MARK4: variants seen among roughly 807,000 people sequenced by gnomAD.
MARK4 encodes the protein microtubule affinity regulating kinase 4, also known as MAP/microtubule affinity-regulating kinase 4.
Under a neutral mutation model 81.5 loss-of-function variants are expected in MARK4, and 19 were observed. The ratio of observed to expected loss-of-function variants is 0.23; its 90% confidence interval spans 0.16 to 0.34. The LOEUF (loss-of-function observed/expected upper bound fraction) is 0.34. MARK4 is among the 10% of genes least tolerant of loss of function. The probability of loss-of-function intolerance (pLI) is 1.00; values close to 1 mark genes in which losing one functional copy is unlikely to be tolerated. For synonymous variants in MARK4, 436 were observed against 439.0 expected (o/e 0.99, Z 0.08); for missense variants, 772 against 1,058.8 (o/e 0.73, Z 3.76).
Position 45,304,318 on chromosome 19 carries a change from T to C in MARK4, c.*1608T>C, listed in dbSNP as rs1184252150. 6.6e-6 allele frequency: 1 copy of C among 152,186 alleles called. No homozygotes were observed. The highest frequency in any genetic ancestry group is 1.5e-5 in the Non-Finnish European group (1 of 68,042). The allele number at this position is 152,186 out of a possible 1,614,324, so 9.4% of individuals were successfully genotyped here. On this transcript the variant is annotated 3_prime_UTR_variant, in exon 17 of 17. Transcript: ENST00000262891. Reference sequence around the variant, plus strand: ...GACTCTCATTGGCCCAAATGGGCCATGTGATTTTCTCTAAACCAATCACTG... The same window carrying C: ...GACTCTCATTGGCCCAAATGGGCCACGTGATTTTCTCTAAACCAATCACTG...
At chr19:45,290,355 CACCAGCCTT>C (rs1970805517) in intron 13 of MARK4, among the ~76,000 whole-genome samples, 1 of 152,246 alleles carries the variant, frequency 6.6e-6, no homozygotes, top group Non-Finnish European at 1.5e-5. Flanking sequence ...TACCAGCATT[CACCAGCCTT>C]GACCGGCTTT....
chr19:45,266,065 C>T (rs1189139091), intron 6 of MARK4, among the ~76,000 whole-genome samples, 160 bp from the exon 7 acceptor site: 3 of 151,954 alleles, frequency 2.0e-5, no homozygotes, highest in Non-Finnish European at 4.4e-5. Context: ...CCAGGTTCCA[C>T]GGGCACCTCT....
chr19:45,287,753 A>G, intron 13 of MARK4, 89 bp downstream of exon 13: 2 of 1,393,092 alleles, frequency 1.4e-6, no homozygotes, highest in Non-Finnish European at 2.0e-6. Flanking sequence ...CCCAGACGGA[A>G]CTCCTTCTTA....
rs202085805 is a variant in MARK4, at chr19:45,263,169, G to A, written c.306+3G>A. The A allele has an allele frequency of 3.7e-5, 59 of 1,609,712 alleles. No homozygotes were observed. Among genetic ancestry groups the A allele is most frequent in the Middle Eastern group, 3.3e-4 (2 of 6,076 alleles). On this transcript the variant is annotated splice_donor_region_variant and intron_variant, in intron 3 of 16. Transcript: ENST00000262891. ...TGAATCCCAGCAGCCTGCAGAAGGTGAGGCTGGGGAGACGGGGGAGAGCAG... is the reference window on the plus strand; with the variant it reads ...TGAATCCCAGCAGCCTGCAGAAGGTAAGGCTGGGGAGACGGGGGAGAGCAG...
At position 45,266,423 on chromosome 19, in the gene MARK4, C is replaced by T. The variant is rs904515512; in HGVS notation, c.549+142C>T. 36 of 784,452 alleles carry T rather than the reference C, an allele frequency of 4.6e-5. 1 individual carries two copies. Among genetic ancestry groups the T allele is most frequent in the Non-Finnish European group, 6.9e-5 (32 of 461,698 alleles). 48.6% of individuals were successfully genotyped at this position (784,452 alleles called of 1,614,324 possible). ...CTCCTGCTCTTCCCTCCACACCCAG[C>T]ACCCCCTTGACCCTTTCCCAAGCTT... On this transcript the variant is annotated intron_variant, in intron 7 of 16. Coordinates refer to ENST00000262891, the MANE Select transcript of MARK4 (RefSeq NM_001199867.2).
intron 6 of MARK4, 122 bp from the exon 7 acceptor site, chr19:45,266,103 C>A: frequency 1.0e-6 from 1 of 972,612 alleles, no homozygotes; most frequent in East Asian, 2.4e-5. Context: ...GGTGTGAGGC[C>A]CCAGATCTCA....
At chr19:45,277,079 C>T (rs1262881101) in intron 8 of MARK4, among the ~76,000 whole-genome samples, 3 of 151,484 alleles carry the variant, frequency 2.0e-5, no homozygotes, top group East Asian at 2.0e-4. Context: ...AGAGAATAAA[C>T]TTCCTTTTTT....
chr19:45,294,496 G>T lies in MARK4; in HGVS notation c.1598+44G>T, dbSNP rs1477446668. ...CAGGGTGAGGGGTGGGAAGTAGGGG[G>T]TAGGTGAACAGGACCTCCCTTGATC... On this transcript the variant is annotated intron_variant, in intron 14 of 16. Transcript: ENST00000262891. The T allele has an allele frequency of 3.2e-6, 5 of 1,549,540 alleles. No homozygotes were observed. The Admixed American group carries it at 6.8e-5, about 21-fold the overall frequency.
At chr19:45,288,915 A>G (rs957477554) in intron 13 of MARK4, among the ~76,000 whole-genome samples, 4 of 149,844 alleles carry the variant, frequency 2.7e-5, no homozygotes, top group African/African-American at 9.9e-5. Flanking sequence ...CTCTTCCGGC[A>G]TCTACATTCG....
chr19:45,258,642 G>T (rs971499468), intron 1 of MARK4, among the ~76,000 whole-genome samples: 1 of 151,958 alleles, frequency 6.6e-6, no homozygotes, highest in Admixed American at 6.6e-5. Flanking sequence ...AGAGGTTGCA[G>T]TGAGCTGAGA....
At chr19:45,261,643 T>G (rs1970382035) in intron 2 of MARK4, among the ~76,000 whole-genome samples, 1 of 152,230 alleles carries the variant, frequency 6.6e-6, no homozygotes, top group South Asian at 2.1e-4. Flanking sequence ...AAATAAAAGT[T>G]TTACTGCAGA....
chr19:45,258,914 C>G, intron 1 of MARK4, 75 bp from the exon 2 acceptor site: 1 of 1,515,330 alleles, frequency 6.6e-7, no homozygotes, highest in Non-Finnish European at 9.0e-7. Context: ...AGCCAGGCCT[C>G]AAGTTAAGTG....
intron 8 of MARK4, 36 bp from the exon 9 acceptor site, chr19:45,277,887 G>A (rs2123066394): frequency 6.3e-7 from 1 of 1,592,432 alleles, no homozygotes; most frequent in Non-Finnish European, 8.5e-7. Context: ...TGGGGGGCGG[G>A]GCAGACCCCC....
At chr19:45,261,105 C>T (rs770824990) in intron 2 of MARK4, among the ~76,000 whole-genome samples, 6 of 152,058 alleles carry the variant, frequency 3.9e-5, no homozygotes, top group Non-Finnish European at 8.8e-5. Flanking sequence ...ACACCATACA[C>T]GCAAAAGACA....
At chr19:45,255,777 C>T (rs1269992464) in intron 1 of MARK4, among the ~76,000 whole-genome samples, 1 of 152,360 alleles carries the variant, frequency 6.6e-6, no homozygotes, top group South Asian at 2.1e-4. Flanking sequence ...CCATCAGCCT[C>T]TTGGCCTTTC....
chr19:45,269,508 G>A (rs1242623596), intron 7 of MARK4, among the ~76,000 whole-genome samples: 1 of 152,274 alleles, frequency 6.6e-6, no homozygotes, highest in East Asian at 1.9e-4. Context: ...GGGGAAGAGT[G>A]GTCCAGAAAT....
intron 6 of MARK4, among the ~76,000 whole-genome samples, chr19:45,265,589 G>A (rs1270404186): frequency 6.6e-6 from 1 of 151,342 alleles, no homozygotes; most frequent in Non-Finnish European, 1.5e-5. Context: ...AGGGTGCCCA[G>A]GTGTGGGGTA....
chr19:45,278,191 G>A, intron 9 of MARK4, 149 bp downstream of exon 9: 1 of 1,188,454 alleles, frequency 8.4e-7, no homozygotes, highest in South Asian at 1.5e-5. Context: ...GGGTAGACAG[G>A]CCGTCCAGGG....
rs1240427247 is a variant in MARK4 at position 45,287,461 on chromosome 19, G to T, written c.1291G>T (p.Ala431Ser). The stretch of plus-strand genomic sequence containing the variant: ...CCCTCCCCCAGGTGGCCCATCCCCT[G>T]CACCCCTGCACCCCAAACGCAGCCC... ...RHSDFCGPSP[A>S]PLHPKRSPTS... is the part of the protein sequence containing the mutation. The change falls in exon 13 of 17, where the codon GCA becomes TCA. Residue 431 changes from alanine to serine, a missense_variant. Ala to Ser is a moderately conservative substitution (Grantham distance 99). This residue lies in a region of MARK4 where 548 missense variants were observed against 624.3 expected (regional missense o/e 0.88). Coordinates refer to ENST00000262891, the MANE Select transcript of MARK4 (RefSeq NM_001199867.2). The T allele has an allele frequency of 2.8e-6, 4 of 1,451,100 alleles. No individual in the cohort carries two copies. The highest frequency in any genetic ancestry group is 3.7e-6 in the Non-Finnish European group (4 of 1,095,596). The allele number at this position is 1,451,100 out of a possible 1,614,324, so 89.9% of individuals were successfully genotyped here. A position where few individuals can be genotyped will look rare whatever the true frequency, so the allele number is the denominator to read the frequency against.
Sources: allele counts gnomAD v4.1 joint callset (sites outside exome capture counted in the v4.1 genomes callset), GRCh38; gene constraint gnomAD v4.1.1; regional missense constraint gnomAD v4.1.1; transcripts MANE v1.5; gene names NCBI Gene and HGNC (gene_info 2026-07-23, HGNC 2026-07-21).